Variants in KCNG2 observed in about 807,000 individuals in gnomAD.
KCNG2 encodes voltage-gated potassium channel regulatory subunit KCNG2.
KCNG2 carries 7 observed loss-of-function variants against 12.3 expected under a neutral mutation model. The ratio of observed to expected loss-of-function variants is 0.57; its 90% CI spans 0.32 to 1.07. KCNG2 has a LOEUF of 1.07. Ranked by LOEUF, KCNG2 falls within the 50% of genes least tolerant of loss-of-function variation. The pLI, the probability that KCNG2 is intolerant of heterozygous loss-of-function variation, is 0.04. For missense variants in KCNG2, 703 were observed against 726.0 expected, an observed-to-expected ratio of 0.97 and a Z score of 0.36; for synonymous variants, 414 against 351.4, an observed-to-expected ratio of 1.18 and a Z score of -1.99.
At chr18:79,832,376 C>T (rs1308105382) in intron 1 of KCNG2, among the ~76,000 whole-genome samples, 1 of 151,422 alleles carries the variant, frequency 6.6e-6, no homozygotes, top group African/African-American at 2.4e-5. Flanking sequence ...CTCACCTGCA[C>T]TCACCTGCCC....
At chr18:79,883,284 G>A (rs1980390878) in intron 3 of KCNG2, among the ~76,000 whole-genome samples, 1 of 152,212 alleles carries the variant, frequency 6.6e-6, no homozygotes, top group South Asian at 2.1e-4. Flanking sequence ...GGAACGGCGG[G>A]GGGAAGCTGG....
At chr18:79,838,418 T>TC (rs1180042962) in intron 1 of KCNG2, among the ~76,000 whole-genome samples, 3 of 152,040 alleles carry the variant, frequency 2.0e-5, no homozygotes, top group African/African-American at 7.2e-5. Context: ...CAAGTCTTTT[T>TC]TTTTTTTTTT....
chr18:79,871,454 A>G (rs1212776221), intron 3 of KCNG2, among the ~76,000 whole-genome samples: 8 of 152,202 alleles, frequency 5.3e-5, no homozygotes. Context: ...CAGAAAGAGC[A>G]GGCAGTGGGG....
At chr18:79,807,625 C>T (rs1352115018) in intron 1 of KCNG2, among the ~76,000 whole-genome samples, 4 of 152,216 alleles carry the variant, frequency 2.6e-5, no homozygotes, top group Non-Finnish European at 5.9e-5. Context: ...AGCCCTTCCT[C>T]CCTCCCGCCG....
intron 2 of KCNG2, among the ~76,000 whole-genome samples, chr18:79,862,176 T>A (rs1172664048): frequency 6.6e-6 from 1 of 152,242 alleles, no homozygotes; most frequent in African/African-American, 2.4e-5. Flanking sequence ...TCTTGTATTC[T>A]TTGTATGCCT....
At chr18:79,854,670 T>A (rs35085469) in intron 1 of KCNG2, among the ~76,000 whole-genome samples, 11,794 of 151,920 alleles carry the variant, frequency 0.078, 781 homozygotes, top group African/African-American at 0.17. Context: ...GGACTACAGG[T>A]GCCCACCACC....
intron 1 of KCNG2, among the ~76,000 whole-genome samples, chr18:79,823,052 T>C (rs1341798626): frequency 6.6e-6 from 1 of 152,218 alleles, no homozygotes; most frequent in Non-Finnish European, 1.5e-5. Flanking sequence ...CATCCTCCTC[T>C]GTTCCTCCTG....
Position 79,899,718 on chromosome 18 carries a change from C to A in KCNG2, c.1303C>A (p.His435Asn). ...GCCGGCCCTGCAGGAGGACAGCACG[C>A]ACTCGGCCACAGCCACCGAGGACAG... is the stretch of plus-strand genomic sequence containing the variant. ...PEPALQEDST[H>N]SATATEDSSQ... The change falls in exon 4 of 4, where the codon CAC (histidine) becomes AAC (asparagine). Residue 435 changes from histidine to asparagine, a missense_variant. Transcript: ENST00000316249. 4.4e-6 allele frequency: 7 copies of A among 1,603,180 alleles called. No homozygotes were observed. The highest frequency in any genetic ancestry group is 5.9e-6 in the Non-Finnish European group (7 of 1,177,182).
rs148423004 is a variant in KCNG2, at chr18:79,894,996, C to T, written c.625-4044C>T. Among the ~76,000 whole-genome samples the T allele has an allele frequency of 1.7e-4, 26 of 151,688 alleles. 1 individual carries two copies. In the East Asian group the frequency reaches 4.8e-3, roughly 28 times the overall value. ...TCTGCTTTAGATTGGGTTGTTCACT[C>T]CATTCACATCTAGTGTTACGATTGA... On this transcript the variant is annotated intron_variant, in intron 3 of 3. Coordinates refer to ENST00000316249, the MANE Select transcript of KCNG2 (RefSeq NM_012283.2).
At chr18:79,858,225 C>T (rs1349419749) in intron 2 of KCNG2, among the ~76,000 whole-genome samples, 2 of 152,214 alleles carry the variant, frequency 1.3e-5, no homozygotes, top group African/African-American at 4.8e-5. Context: ...TGGTCTCAAA[C>T]TCCTGACCTC....
chr18:79,873,774 G>A (rs1029417533), intron 3 of KCNG2, among the ~76,000 whole-genome samples: 7 of 152,226 alleles, frequency 4.6e-5, no homozygotes, highest in South Asian at 4.1e-4. Flanking sequence ...AACAGTGTCC[G>A]CCTAGCTGCC....
In KCNG2 at chr18:79,860,037, C is replaced by A. The variant is rs181050944; in HGVS notation, c.-41+3585C>A. 5.9e-5 allele frequency among the ~76,000 whole-genome samples: 9 copies of A among 152,254 alleles called. No individual in the cohort carries two copies. In the East Asian group the frequency reaches 1.7e-3, roughly 29 times the overall value. On this transcript the variant is annotated intron_variant, in intron 2 of 3. Transcript: ENST00000316249. ...AATGTCTGCTAAGCTTCTGGGGAGG[C>A]TTTGGGAAGCTTCCAGTTATGGCAG...
intron 3 of KCNG2, among the ~76,000 whole-genome samples, chr18:79,866,610 G>A (rs1288077978): frequency 6.7e-6 from 1 of 148,420 alleles, no homozygotes; most frequent in East Asian, 2.0e-4. Flanking sequence ...AGGTCTGGGT[G>A]CTGAGAGGTC....
chr18:79,814,591 AG>A (rs1458162847), intron 1 of KCNG2, among the ~76,000 whole-genome samples: 1 of 152,104 alleles, frequency 6.6e-6, no homozygotes, highest in Non-Finnish European at 1.5e-5. Context: ...CAGAGCTGGG[AG>A]GGGGTGGCAG....
At chr18:79,817,279 C>T (rs952035270) in intron 1 of KCNG2, among the ~76,000 whole-genome samples, 1 of 151,688 alleles carries the variant, frequency 6.6e-6, no homozygotes, top group African/African-American at 2.4e-5. Context: ...AGCTGTCACA[C>T]GGCTGCCACT....
intron 1 of KCNG2, among the ~76,000 whole-genome samples, chr18:79,819,741 T>G (rs1317570549): frequency 6.6e-6 from 1 of 152,212 alleles, no homozygotes; most frequent in Non-Finnish European, 1.5e-5. Flanking sequence ...CTATTTCAAG[T>G]GGACAGTTCA....
intron 3 of KCNG2, among the ~76,000 whole-genome samples, chr18:79,876,636 G>A (rs1400969550): frequency 2.6e-5 from 4 of 152,224 alleles, no homozygotes; most frequent in Admixed American, 1.3e-4. Flanking sequence ...TGTCTGTGAC[G>A]CTGGTGCCCT....
Position 79,879,716 on chromosome 18 carries a change from T to C in KCNG2, c.624+15425T>C, listed in dbSNP as rs981998349. On this transcript the variant is annotated intron_variant, in intron 3 of 3. Transcript: ENST00000316249. ...GAGAAAGGGTGTTATGGTTCAGAATTGGCTCAGAATTCAAGACACCGGACT... is the reference window on the plus strand; with the variant it reads ...GAGAAAGGGTGTTATGGTTCAGAATCGGCTCAGAATTCAAGACACCGGACT... Among the ~76,000 whole-genome samples the C allele has an allele frequency of 2.0e-5, 3 of 152,184 alleles. No individual in the cohort carries two copies. In the East Asian group the frequency reaches 5.8e-4, roughly 29 times the overall value.
At chr18:79,865,017 C>T (rs796842788) in intron 3 of KCNG2, among the ~76,000 whole-genome samples, 1 of 44,028 alleles carries the variant, frequency 2.3e-5, no homozygotes, top group South Asian at 8.1e-4. Flanking sequence ...GCTGAGGTCT[C>T]GGTGCCGAGG....
Sources: allele counts gnomAD v4.1 joint callset (sites outside exome capture counted in the v4.1 genomes callset), GRCh38; gene constraint gnomAD v4.1.1; transcripts MANE v1.5; gene names NCBI Gene and HGNC (gene_info 2026-07-23, HGNC 2026-07-21).